MTREX: variants seen among roughly 807,000 people sequenced by gnomAD.
MTREX encodes Mtr4 exosome RNA helicase.
In MTREX, 76 loss-of-function variants were observed where a neutral mutation model predicts 135.4. The ratio of observed to expected loss-of-function variants is 0.56; its 90% CI spans 0.47 to 0.68. The LOEUF is 0.68. Among genes scored for constraint, MTREX ranks in the 30% least tolerant of loss-of-function variants. MTREX has a pLI of 0.00. For missense variants in MTREX, 920 were observed against 1,262.1 expected (o/e 0.73, Z 4.11); for synonymous variants, 404 against 401.6 (o/e 1.01, Z -0.07).
At chr5:55,308,280 A>G (rs1749004818) in intron 1 of MTREX, 133 bp downstream of exon 1, 1 of 1,117,794 alleles carries the variant, frequency 8.9e-7, no homozygotes, top group Non-Finnish European at 1.2e-6. Flanking sequence ...GGTTCCAGAA[A>G]AAAGTTGGAG....
intron 16 of MTREX, among the ~76,000 whole-genome samples, chr5:55,377,558 T>C (rs555979642): frequency 2.0e-5 from 3 of 152,290 alleles, no homozygotes; most frequent in African/African-American, 2.4e-5. Flanking sequence ...CTAAGAGATA[T>C]ATTCATATCA....
At chr5:55,311,870 GTTA>G (rs1749118745) in intron 1 of MTREX, among the ~76,000 whole-genome samples, 1 of 151,908 alleles carries the variant, frequency 6.6e-6, no homozygotes, top group African/African-American at 2.4e-5. Context: ...TTTAAATGTG[GTTA>G]TTAGAAAATT....
intron 13 of MTREX, among the ~76,000 whole-genome samples, chr5:55,352,872 A>G (rs184655249): frequency 5.3e-5 from 8 of 152,328 alleles, no homozygotes; most frequent in African/African-American, 1.7e-4. Flanking sequence ...AAAATATTCT[A>G]TGACCTAAAA....
In MTREX at chr5:55,327,509, G is replaced by T. The variant is rs571293053; in HGVS notation, c.340-207G>T. 4 of 512,080 alleles carry T rather than the reference G, an allele frequency of 7.8e-6. No individual in the cohort carries two copies. In the South Asian group the frequency reaches 1.0e-4, roughly 13 times the overall value. The allele number at this position is 512,080 out of a possible 1,614,324, so 31.7% of individuals were successfully genotyped here. ...TCAATTATTACCCTTAGACAAATGCGAGTAGATGTAATTTCTGAGTGTTGA... is the reference window on the plus strand; with the variant it reads ...TCAATTATTACCCTTAGACAAATGCTAGTAGATGTAATTTCTGAGTGTTGA... On this transcript the variant is annotated intron_variant, in intron 3 of 26. Transcript: ENST00000230640.
At chr5:55,323,117 C>A (rs981276344) in intron 2 of MTREX, among the ~76,000 whole-genome samples, 1 of 152,058 alleles carries the variant, frequency 6.6e-6, no homozygotes, top group Non-Finnish European at 1.5e-5. Flanking sequence ...ACTTTTGTTA[C>A]AGTTAGTAAA....
chr5:55,311,758 C>G (rs973054484), intron 1 of MTREX, among the ~76,000 whole-genome samples: 1 of 152,112 alleles, frequency 6.6e-6, no homozygotes, highest in East Asian at 1.9e-4. Context: ...TGTAAAATAT[C>G]TCCTTAATTT....
At chr5:55,403,978 A>G (rs1280337983) in intron 21 of MTREX, among the ~76,000 whole-genome samples, 2 of 152,234 alleles carry the variant, frequency 1.3e-5, no homozygotes. Flanking sequence ...CAATTTACTT[A>G]GTAATCTCTC....
At position 55,416,092 on chromosome 5, in the gene MTREX, T is replaced by G; in HGVS notation, c.2931T>G (p.Ala977=). The G allele has an allele frequency of 6.3e-7, 1 of 1,592,522 alleles. No individual in the cohort carries two copies. Among genetic ancestry groups the G allele is most frequent in the Non-Finnish European group, 8.5e-7 (1 of 1,173,134 alleles). The change falls in exon 25 of 27, where the codon GCT becomes GCG. Residue 977 remains alanine, a synonymous_variant. Coordinates refer to ENST00000230640, the MANE Select transcript of MTREX (RefSeq NM_015360.5). The part of the protein sequence containing the change: ...MDVVYTWATG[A]TFAHICKMTD... ...TAGTATATACCTGGGCAACTGGAGC[T>G]ACATTTGCCCATATCTGCAAAATGA...
At chr5:55,372,161 T>G (rs1003350877) in intron 16 of MTREX, among the ~76,000 whole-genome samples, 2 of 152,192 alleles carry the variant, frequency 1.3e-5, no homozygotes, top group Admixed American at 6.5e-5. Flanking sequence ...TTCGTGTAAC[T>G]CTTAATGACT....
chr5:55,393,116 T>A (rs993015039), intron 19 of MTREX, among the ~76,000 whole-genome samples: 4 of 152,204 alleles, frequency 2.6e-5, no homozygotes, highest in African/African-American at 9.6e-5. Flanking sequence ...CTCTTTGATT[T>A]TCAGGCTATT....
intron 13 of MTREX, among the ~76,000 whole-genome samples, chr5:55,351,723 A>T (rs1749831098): frequency 6.6e-6 from 1 of 152,224 alleles, no homozygotes. Flanking sequence ...ATTCTAATTT[A>T]AACCAAAGAG....
chr5:55,343,708 T>A (rs1000556804), intron 8 of MTREX, among the ~76,000 whole-genome samples: 7 of 152,170 alleles, frequency 4.6e-5, no homozygotes, highest in Non-Finnish European at 8.8e-5. Flanking sequence ...ACTCCAATTT[T>A]AAAAATTCCC....
intron 1 of MTREX, among the ~76,000 whole-genome samples, chr5:55,311,362 T>A (rs940034609): frequency 6.6e-6 from 1 of 152,226 alleles, no homozygotes; most frequent in Non-Finnish European, 1.5e-5. Flanking sequence ...TGTTTTTTGA[T>A]CATTGGTAGT....
chr5:55,315,060 GT>G (rs1482559133), intron 1 of MTREX, among the ~76,000 whole-genome samples: 2 of 152,162 alleles, frequency 1.3e-5, no homozygotes, highest in Non-Finnish European at 2.9e-5. Flanking sequence ...TGGGTTTGTG[GT>G]AATCTGTTAC....
At position 55,348,845 on chromosome 5, in the gene MTREX, A is replaced by G. The variant is rs145964931; in HGVS notation, c.1241-728A>G. Among the ~76,000 whole-genome samples, 75 of 152,380 alleles carry G rather than the reference A, an allele frequency of 4.9e-4. No individual in the cohort carries two copies. The East Asian group carries it at 0.014, about 29-fold the overall frequency. ...TATTATTTGATAGACACTGTACAAG[A>G]AGGCAGTGCAATGGTTAAGAAAGAG... On this transcript the variant is annotated intron_variant, in intron 11 of 26. Transcript: ENST00000230640.
chr5:55,398,045 G>A (rs992629816), intron 20 of MTREX, among the ~76,000 whole-genome samples: 1 of 152,042 alleles, frequency 6.6e-6, no homozygotes, highest in Non-Finnish European at 1.5e-5. Flanking sequence ...AACATAGTGA[G>A]ACCCCCATCT....
At chr5:55,386,370 A>C (rs549226495) in intron 18 of MTREX, among the ~76,000 whole-genome samples, 103 of 152,278 alleles carry the variant, frequency 6.8e-4, no homozygotes, top group Non-Finnish European at 1.1e-3. Context: ...AAAAATCTAA[A>C]TTAAGATAAT....
At chr5:55,387,793 A>T (rs531995125) in intron 18 of MTREX, among the ~76,000 whole-genome samples, 181 bp from the exon 19 acceptor site, 54 of 152,262 alleles carry the variant, frequency 3.5e-4, no homozygotes, top group African/African-American at 1.3e-3. Context: ...GTGTTTTCTC[A>T]TCCAATGGAA....
intron 5 of MTREX, among the ~76,000 whole-genome samples, chr5:55,334,977 G>C (rs775087272): frequency 1.3e-5 from 2 of 151,856 alleles, no homozygotes; most frequent in Admixed American, 6.6e-5. Flanking sequence ...AATGTATGAG[G>C]GTGCCAGTTT....
Sources: allele counts gnomAD v4.1 joint callset (sites outside exome capture counted in the v4.1 genomes callset), GRCh38; gene constraint gnomAD v4.1.1; transcripts MANE v1.5; gene names NCBI Gene and HGNC (gene_info 2026-07-23, HGNC 2026-07-21).